NOTCH1: variants seen among roughly 807,000 people sequenced by gnomAD.
NOTCH1 encodes neurogenic locus notch homolog protein 1.
Under a neutral mutation model 254.8 loss-of-function variants are expected in NOTCH1, and 37 were observed. The observed-to-expected ratio is 0.15, with a 90% CI of 0.11 to 0.19. NOTCH1 has a LOEUF of 0.19. Among genes scored for constraint, NOTCH1 ranks in the 10% least tolerant of loss-of-function variants. The pLI is 1.00. For synonymous variants in NOTCH1, 1,731 were observed against 1,618.1 expected (o/e 1.07, Z -1.68); for missense variants, 2,972 against 3,708.6 (o/e 0.80, Z 5.16).
In NOTCH1 at chr9:136,522,935, G is replaced by A. The variant is rs772778125; in HGVS notation, c.657C>T (p.Tyr219=). 6 of 1,554,276 alleles carry A rather than the reference G, an allele frequency of 3.9e-6. No homozygotes were observed. Among genetic ancestry groups the A allele is most frequent in the East Asian group, 2.4e-5 (1 of 41,376 alleles). Residue 219 remains tyrosine, a synonymous_variant, in exon 4 of 34, where the codon TAC becomes TAT. Coordinates refer to ENST00000651671, the MANE Select transcript of NOTCH1 (RefSeq NM_017617.5). ...THTGPNCERP[Y]VPCSPSPCQN... ...GGCAGGGCGAGGGGCTGCAGGGCAC[G>A]TAGGGCCGCTCGCAGTTGGGGCCAG...
rs933802617 is a variant in NOTCH1, at chr9:136,545,338, G to A, written c.61+388C>T. On this transcript the variant is annotated intron_variant, in intron 1 of 33. Coordinates refer to ENST00000651671, the MANE Select transcript of NOTCH1 (RefSeq NM_017617.5). The surrounding 1 kb of genome is among the most constrained non-coding windows in gnomAD (Gnocchi z 6.8). Reference sequence around the variant, plus strand: ...GAAGAAAGAAGATAAATGGCCCGGAGAAGCAACAGGAAACCAAAACCGACT... The same window carrying A: ...GAAGAAAGAAGATAAATGGCCCGGAAAAGCAACAGGAAACCAAAACCGACT... Among the ~76,000 whole-genome samples the A allele has an allele frequency of 2.0e-5, 3 of 148,936 alleles. No individual in the cohort carries two copies. The highest frequency in any genetic ancestry group is 4.5e-5 in the Non-Finnish European group (3 of 67,386).
chr9:136,516,728 G>C (rs990223160), intron 9 of NOTCH1, among the ~76,000 whole-genome samples: 1 of 152,112 alleles, frequency 6.6e-6, no homozygotes, highest in African/African-American at 2.4e-5. Flanking sequence ...TTCTCTCCAG[G>C]CAGAAGGGGC....
rs752513330 is a variant in NOTCH1, at chr9:136,515,497, A to G, written c.1889T>C (p.Leu630Pro). ...TGGCCGGCCACCTGTGGTCCCCTTCAGGCAGAAGCAGAGGTAGGCGTTGTC... is the reference window on the plus strand; with the variant it reads ...TGGCCGGCCACCTGTGGTCCCCTTCGGGCAGAAGCAGAGGTAGGCGTTGTC... ...DRDNAYLCFC[L>P]KGTTGPNCEI... The change falls in exon 11 of 34, where the codon CTG becomes CCG. Residue 630 changes from leucine (L) to proline (P), a missense_variant. Leu to Pro is a moderately conservative substitution (Grantham distance 98, BLOSUM62 -3). Coordinates refer to ENST00000651671, the MANE Select transcript of NOTCH1 (RefSeq NM_017617.5). 1.1e-5 allele frequency: 17 copies of G among 1,611,804 alleles called. No individual in the cohort carries two copies. In the Admixed American group the frequency reaches 2.5e-4, roughly 24 times the overall value.
In NOTCH1 at chr9:136,540,001, G is replaced by A. The variant is rs75934319; in HGVS notation, c.140+4023C>T. On this transcript the variant is annotated intron_variant, in intron 2 of 33. Coordinates refer to ENST00000651671, the MANE Select transcript of NOTCH1 (RefSeq NM_017617.5). The surrounding 1 kb of genome is among the most constrained non-coding windows in gnomAD (Gnocchi z 4.4). ...GCTGGGGCTGTGTTTAGGGACATTCGCTTGGGAGAAGGAGAGGGGCAGGGC... is the reference window on the plus strand; with the variant it reads ...GCTGGGGCTGTGTTTAGGGACATTCACTTGGGAGAAGGAGAGGGGCAGGGC... Among the ~76,000 whole-genome samples the A allele has an allele frequency of 9.8e-5, 15 of 152,344 alleles. No individual in the cohort carries two copies. The highest frequency in any genetic ancestry group is 3.1e-4 in the African/African-American group (13 of 41,582).
intron 2 of NOTCH1, chr9:136,543,437 G>A (rs2133405349): frequency 3.9e-6 from 1 of 255,816 alleles, no homozygotes. Context: ...CCGCCCAGGA[G>A]GTGGCATCAC....
intron 4 of NOTCH1, among the ~76,000 whole-genome samples, chr9:136,520,049 C>T (rs1482163918): frequency 6.6e-6 from 1 of 152,148 alleles, no homozygotes; most frequent in African/African-American, 2.4e-5. Context: ...GATGGCCCAT[C>T]CTCCCTGGGG....
Position 136,507,306 on chromosome 9 carries a change from C to T in NOTCH1, c.3642G>A (p.Gln1214=), listed in dbSNP as rs577243605. Reference sequence around the variant, plus strand: ...AGCCCTCCGTGCAGCGGCCCTTACCCTGAGTGCCCCGTGGGCAGGAGCACT... The same window carrying T: ...AGCCCTCCGTGCAGCGGCCCTTACCTTGAGTGCCCCGTGGGCAGGAGCACT... The part of the protein sequence containing the change: ...TYKCSCPRGT[Q]GVHCEINVDD... Residue 1214 remains glutamine, a splice_region_variant and synonymous_variant, in exon 22 of 34, where the codon CAG becomes CAA. Coordinates refer to ENST00000651671, the MANE Select transcript of NOTCH1 (RefSeq NM_017617.5). The T allele has an allele frequency of 2.4e-5, 38 of 1,612,936 alleles. No homozygotes were observed. In the East Asian group the frequency reaches 7.6e-4, roughly 32 times the overall value.
chr9:136,515,767 G>C (rs773983466), intron 10 of NOTCH1, 51 bp from the exon 11 acceptor site: 2 of 1,490,920 alleles, frequency 1.3e-6, no homozygotes, highest in South Asian at 1.2e-5. Flanking sequence ...GGCGGCCCCC[G>C]GGACACCCAT....
rs745901158 is a variant in NOTCH1, at chr9:136,504,677, G to A, written c.5014C>T (p.Arg1672Cys). The change falls in exon 26 of 34, where the codon CGC becomes TGC. Residue 1672 changes from arginine to cysteine, a missense_variant. Coordinates refer to ENST00000651671, the MANE Select transcript of NOTCH1 (RefSeq NM_017617.5). ...TGGGCGCCGGGTCTCACTCACCCGC[G>A]GACGTCCATGGGGTCCAGCTCCCTC... ...RRRELDPMDV[R>C]GSIVYLEIDN... 17 of 1,512,370 alleles carry A rather than the reference G, an allele frequency of 1.1e-5. No homozygotes were observed. The highest frequency in any genetic ancestry group is 1.2e-5 in the Non-Finnish European group (14 of 1,127,056). The allele number at this position is 1,512,370 out of a possible 1,614,324, so 93.7% of individuals were successfully genotyped here.
intron 2 of NOTCH1, among the ~76,000 whole-genome samples, chr9:136,534,941 C>G (rs1332619821): frequency 1.8e-4 from 12 of 65,614 alleles, no homozygotes; most frequent in East Asian, 9.7e-4. Flanking sequence ...CCCCCAGTCC[C>G]TCCCCACAGA....
chr9:136,501,103 C>T (rs1842987843), intron 30 of NOTCH1, among the ~76,000 whole-genome samples: 1 of 152,172 alleles, frequency 6.6e-6, no homozygotes, highest in East Asian at 1.9e-4. Flanking sequence ...CCAAAATCCA[C>T]CCAGGAAAAA....
chr9:136,528,013 C>T (rs970825672), intron 2 of NOTCH1, among the ~76,000 whole-genome samples: 1 of 152,082 alleles, frequency 6.6e-6, no homozygotes, highest in Non-Finnish European at 1.5e-5. Flanking sequence ...CTGCCGAGAC[C>T]TTTCACCCAG....
chr9:136,514,890 T>G (rs750455480), intron 12 of NOTCH1, among the ~76,000 whole-genome samples, 188 bp from the exon 13 acceptor site: 1 of 152,166 alleles, frequency 6.6e-6, no homozygotes, highest in Non-Finnish European at 1.5e-5. Context: ...CCCACTCAAG[T>G]CATCCTCCCA....
At chr9:136,538,860 G>A (rs1373655933) in intron 2 of NOTCH1, among the ~76,000 whole-genome samples, 1 of 152,230 alleles carries the variant, frequency 6.6e-6, no homozygotes, top group Non-Finnish European at 1.5e-5. Flanking sequence ...AGGAAGGCAA[G>A]CTAGACGCCC....
At chr9:136,528,393 G>GC (rs1843503104) in intron 2 of NOTCH1, among the ~76,000 whole-genome samples, 16 of 13,138 alleles carry the variant, frequency 1.2e-3, no homozygotes, top group East Asian at 4.1e-3. Context: ...CAGGGACAGT[G>GC]GGGGGGGATG....
chr9:136,509,328 G>A (rs544717277), intron 18 of NOTCH1, among the ~76,000 whole-genome samples: 1 of 152,292 alleles, frequency 6.6e-6, no homozygotes, highest in East Asian at 1.9e-4. Flanking sequence ...GTGGGCATAG[G>A]GTGGTTAAAG....
At chr9:136,516,781 G>T (rs542533167) in intron 9 of NOTCH1, among the ~76,000 whole-genome samples, 2 of 152,150 alleles carry the variant, frequency 1.3e-5, no homozygotes, top group Non-Finnish European at 2.9e-5. Context: ...GGGCTCCACC[G>T]CGACCCCTGG....
Position 136,545,691 on chromosome 9 carries a change from G to T in NOTCH1, c.61+35C>A. 1 of 1,439,556 alleles carries T rather than the reference G, an allele frequency of 6.9e-7. No individual in the cohort carries two copies. Among genetic ancestry groups the T allele is most frequent in the Non-Finnish European group, 9.1e-7 (1 of 1,100,088 alleles). 89.2% of individuals were successfully genotyped at this position (1,439,556 alleles called of 1,614,324 possible). On this transcript the variant is annotated intron_variant, in intron 1 of 33. Coordinates refer to ENST00000651671, the MANE Select transcript of NOTCH1 (RefSeq NM_017617.5). The surrounding 1 kb of genome is among the most constrained non-coding windows in gnomAD (Gnocchi z 6.8). ...CGCCGCCAAAGTTTCCAAAGGGCGCGGAAAGTGGGGGCTCGCGGGTGGGTG... is the reference window on the plus strand; with the variant it reads ...CGCCGCCAAAGTTTCCAAAGGGCGCTGAAAGTGGGGGCTCGCGGGTGGGTG...
chr9:136,530,926 G>A (rs73668317), intron 2 of NOTCH1, among the ~76,000 whole-genome samples: 373 of 152,328 alleles, frequency 2.4e-3, no homozygotes, highest in East Asian at 7.9e-3. Context: ...GCTGCGCTCC[G>A]GGCCAGCGCC....
Sources: gnomAD v4.1 joint callset for allele counts (sites outside exome capture counted in the v4.1 genomes callset) on GRCh38, gnomAD v4.1.1 for gene constraint, Gnocchi (gnomAD v3.1) non-coding constraint, MANE v1.5 for transcripts, NCBI Gene and HGNC (gene_info 2026-07-23, HGNC 2026-07-21) for gene names.